Variants in IL17REL observed in about 807,000 individuals in gnomAD.
IL17REL encodes interleukin-17 receptor E-like protein.
In IL17REL, 36 loss-of-function variants were observed where a neutral mutation model predicts 49.0. That is an observed-to-expected ratio of 0.73 (90% CI 0.56 to 0.97). IL17REL has a LOEUF of 0.97. Among genes scored for constraint, IL17REL ranks in the 50% least tolerant of loss-of-function variants. The pLI, the probability that IL17REL is intolerant of heterozygous loss-of-function variation, is 0.00. For missense variants in IL17REL, 470 were observed against 453.9 expected, an observed-to-expected ratio of 1.04 and a Z score of -0.32; for synonymous variants, 206 against 192.4, an observed-to-expected ratio of 1.07 and a Z score of -0.58.
Position 50,005,893 on chromosome 22 carries a change from G to A in IL17REL, c.-42+2744C>T, listed in dbSNP as rs751929876. On this transcript the variant is annotated intron_variant, in intron 1 of 12. Coordinates refer to ENST00000341280, the Ensembl canonical transcript of IL17REL. ...TACACTTCCCTCATATGGGAGACCC[G>A]GCCATTTGCACCAACTCAACTGCTG... Among the ~76,000 whole-genome samples the A allele has an allele frequency of 4.6e-5, 7 of 152,048 alleles. 1 individual carries two copies. The highest frequency in any genetic ancestry group is 1.2e-4 in the African/African-American group (5 of 41,508).
chr22:50,009,134 T>C (rs2061125142), upstream of IL17REL: 2 of 144,758 alleles, frequency 1.4e-5, no homozygotes, highest in African/African-American at 2.6e-5. Flanking sequence ...GTGTGGGGGG[T>C]GCAGGTTATA....
chr22:50,000,116 T>C (rs1431471671), intron 4 of IL17REL, 80 bp downstream of exon 6: 1 of 944,556 alleles, frequency 1.1e-6, no homozygotes, highest in East Asian at 3.1e-5. Context: ...ATTTCCCAAA[T>C]GGGGCAGAAG....
intron 4 of IL17REL, 100 bp from the exon 6 acceptor site, chr22:50,000,340 C>G: frequency 1.4e-6 from 1 of 704,276 alleles, no homozygotes; most frequent in Non-Finnish European, 2.4e-6. Flanking sequence ...CTCTGTCATG[C>G]GACCTCGAAT....
intron 5 of IL17REL, 92 bp downstream of exon 7, chr22:49,999,736 C>CGG (rs1481138685): frequency 7.6e-6 from 4 of 527,466 alleles, no homozygotes; most frequent in Non-Finnish European, 4.5e-6. Context: ...GGGCGGGGCG[C>CGG]GGGGTGGGCG....
chr22:49,995,302 C>T (rs1479335798), exon 13 of IL17REL: 1 of 152,592 alleles, frequency 6.6e-6, no homozygotes, highest in Non-Finnish European at 1.5e-5. Flanking sequence ...GGGTCCAGCA[C>T]CTGGGCCATC....
chr22:49,999,170 G>A, intron 7 of IL17REL, 121 bp downstream of exon 9: 2 of 1,209,078 alleles, frequency 1.7e-6, no homozygotes, highest in Non-Finnish European at 2.5e-6. Flanking sequence ...TTCCGAGCAG[G>A]CTCAGGGATT....
At chr22:50,004,230 C>T (rs1223012597) in intron 1 of IL17REL, among the ~76,000 whole-genome samples, 1 of 152,108 alleles carries the variant, frequency 6.6e-6, no homozygotes, top group South Asian at 2.1e-4. Context: ...AGGTGCGTAC[C>T]ACCACACCCG....
At position 50,002,020 on chromosome 22, in the gene IL17REL, A is replaced by G. The variant is rs536854065; in HGVS notation, c.-41-789T>C. On this transcript the variant is annotated intron_variant, in intron 1 of 12. Transcript: ENST00000341280. ...AGGCAGGAGAGTAAGGAATGAGGGT[A>G]ACTGGGGGTGAAGGGAGAAGCAAAA... Among the ~76,000 whole-genome samples, 11 of 152,344 alleles carry G rather than the reference A, an allele frequency of 7.2e-5. No individual in the cohort carries two copies. The East Asian group carries it at 1.4e-3, about 19-fold the overall frequency.
At chr22:49,993,561 G>A (rs958044396), downstream of IL17REL, among the ~76,000 whole-genome samples, 2 of 152,182 alleles carry the variant, frequency 1.3e-5, no homozygotes, top group Non-Finnish European at 1.5e-5. This position sits in a 1 kb window ranked among gnomAD's most constrained non-coding sequence, Gnocchi z 6.0. Flanking sequence ...GTGGCAGCAC[G>A]CGTGTGTCCT....
chr22:49,995,700 G>T, exon 13 of IL17REL: 1 of 152,534 alleles, frequency 6.6e-6, no homozygotes, highest in Non-Finnish European at 1.5e-5. Context: ...GAGGGAAGGG[G>T]AGGGGGCTGC....
At chr22:50,009,784 T>C (rs2061128709), upstream of IL17REL, among the ~76,000 whole-genome samples, 1 of 152,246 alleles carries the variant, frequency 6.6e-6, no homozygotes, top group South Asian at 2.1e-4. Flanking sequence ...TACACCTCCT[T>C]CTAAATATTT....
chr22:49,999,720 G>T, intron 5 of IL17REL, 108 bp downstream of exon 7: 1 of 573,628 alleles, frequency 1.7e-6, no homozygotes, highest in Non-Finnish European at 2.1e-6. Context: ...GCGGGGCGCG[G>T]GGGGTGGGCG....
downstream of IL17REL, among the ~76,000 whole-genome samples, chr22:49,994,219 C>G (rs1246932603): frequency 6.6e-6 from 1 of 152,110 alleles, no homozygotes; most frequent in African/African-American, 2.4e-5. Context: ...GCTTCTAAAG[C>G]CCCTCACCTG....
intron 1 of IL17REL, among the ~76,000 whole-genome samples, chr22:50,002,495 C>CTTTTTTTTTTTT (rs398040533): frequency 2.3e-5 from 3 of 127,906 alleles, no homozygotes; most frequent in East Asian, 2.2e-4. Flanking sequence ...CTTTTCTTTT[C>CTTTTTTTTTTTT]TTTTTTTTTT....
chr22:49,998,298 G>A (rs2071775148), exon 8 of IL17REL: 1 of 1,603,796 alleles, frequency 6.2e-7, no homozygotes, highest in Non-Finnish European at 8.5e-7. Context: ...AGCACCTCCA[G>A]TGCCTCAGTG....
At chr22:50,000,806 C>G in exon 3 of IL17REL, 1 of 1,604,270 alleles carries the variant, frequency 6.2e-7, no homozygotes, top group Non-Finnish European at 8.5e-7. Flanking sequence ...CACGCTCTGA[C>G]ACTGCGTCTC....
chr22:49,999,392 C>T (rs1296351487), intron 6 of IL17REL, 39 bp downstream of exon 8: 10 of 1,612,740 alleles, frequency 6.2e-6, no homozygotes, highest in Non-Finnish European at 8.5e-6. Context: ...CCCTGTGCTC[C>T]CCTCACCCGC....
chr22:49,994,880 T>C (rs1309738104), exon 13 of IL17REL: 2 of 152,394 alleles, frequency 1.3e-5, no homozygotes, highest in Non-Finnish European at 2.9e-5. Context: ...TGGGCACCCC[T>C]GGCTGGGACC....
downstream of IL17REL, chr22:49,994,471 G>A (rs2061022199): frequency 6.6e-6 from 1 of 152,390 alleles, no homozygotes; most frequent in Non-Finnish European, 1.5e-5. Context: ...CCGCACTCCA[G>A]ACTTGTCCCT....
Sources: allele counts gnomAD v4.1 joint callset (sites outside exome capture counted in the v4.1 genomes callset), GRCh38; gene constraint gnomAD v4.1.1; non-coding constraint Gnocchi (gnomAD v3.1); transcripts MANE v1.5; gene names NCBI Gene and HGNC (gene_info 2026-07-23, HGNC 2026-07-21).